The following UBAC1 variants were observed in gnomAD, a reference collection of about 807,000 sequenced individuals.
The protein encoded by UBAC1 is UBA domain containing 1, also known as ubiquitin-associated domain-containing protein 1.
In UBAC1, 27 loss-of-function variants were observed where a neutral mutation model predicts 45.9. The ratio of observed to expected loss-of-function variants is 0.59; its 90% CI spans 0.43 to 0.81. UBAC1 has a LOEUF of 0.81. Ranked by LOEUF, UBAC1 falls within the 30% of genes least tolerant of loss-of-function variation. The probability of loss-of-function intolerance (pLI) is 0.00; values close to 1 mark genes in which losing one functional copy is unlikely to be tolerated. For missense variants in UBAC1, 529 were observed against 539.2 expected (o/e 0.98, Z 0.19); for synonymous variants, 227 against 215.5 (o/e 1.05, Z -0.47).
At chr9:135,951,922 AGG>A (rs1839410358) in intron 3 of UBAC1, among the ~76,000 whole-genome samples, 3 of 152,264 alleles carry the variant, frequency 2.0e-5, no homozygotes, top group Admixed American at 1.3e-4. Flanking sequence ...TAAGCTCCTC[AGG>A]TTAGCTCCAA....
At chr9:135,938,117 C>G in intron 9 of UBAC1, 105 bp downstream of exon 9, 1 of 1,508,700 alleles carries the variant, frequency 6.6e-7, no homozygotes, top group South Asian at 1.3e-5. Flanking sequence ...CACGGCGATC[C>G]TCAGCGCTGG....
intron 9 of UBAC1, 29 bp downstream of exon 9, chr9:135,938,193 G>C: frequency 6.2e-7 from 1 of 1,610,050 alleles, no homozygotes. Flanking sequence ...TCCCCGACCC[G>C]AGACTTAGCA....
chr9:135,937,113 C>T (rs900282820), intron 9 of UBAC1, among the ~76,000 whole-genome samples: 5 of 152,184 alleles, frequency 3.3e-5, no homozygotes, highest in African/African-American at 1.2e-4. Flanking sequence ...GCTCCAGAGA[C>T]ACTTCCAGCC....
chr9:135,935,672 G>C (rs142858133), intron 9 of UBAC1, among the ~76,000 whole-genome samples: 1 of 151,888 alleles, frequency 6.6e-6, no homozygotes, highest in Admixed American at 6.6e-5. Context: ...CGCATAGACA[G>C]TATGTAAAAG....
At position 135,946,299 on chromosome 9, in the gene UBAC1, C is replaced by A; in HGVS notation, c.514G>T (p.Asp172Tyr). The A allele has an allele frequency of 4.3e-6, 7 of 1,613,938 alleles. No homozygotes were observed. The highest frequency in any genetic ancestry group is 5.1e-6 in the Non-Finnish European group (6 of 1,179,790). ...VAQKLLALNPDAVELFKKANA... is the reference protein window; with the variant it reads ...VAQKLLALNPYAVELFKKANA... Reference sequence around the variant, plus strand: ...GCCTTCTTAAACAATTCCACTGCATCTGGGTTCAGCGCTAACAGCTTCTGC... The same window carrying A: ...GCCTTCTTAAACAATTCCACTGCATATGGGTTCAGCGCTAACAGCTTCTGC... Residue 172 changes from aspartate (D) to tyrosine (Y), a missense_variant, in exon 5 of 10, where the codon GAT (aspartate) becomes TAT (tyrosine). Coordinates refer to ENST00000371756, the MANE Select transcript of UBAC1 (RefSeq NM_016172.3).
At chr9:135,954,456 G>A (rs1839443015) in intron 2 of UBAC1, among the ~76,000 whole-genome samples, 1 of 151,546 alleles carries the variant, frequency 6.6e-6, no homozygotes, top group African/African-American at 2.4e-5. Flanking sequence ...AAGAGCATGG[G>A]TTCCTTTGGT....
intron 8 of UBAC1, among the ~76,000 whole-genome samples, chr9:135,938,652 CCA>C (rs1328678446): frequency 6.6e-5 from 10 of 152,238 alleles, no homozygotes; most frequent in Admixed American, 5.2e-4. Flanking sequence ...CCAGTGTGGC[CCA>C]CCCAGGAGTG....
chr9:135,939,776 C>T lies in UBAC1; in HGVS notation c.877-17G>A, dbSNP rs754922697. 2 of 1,606,646 alleles carry T rather than the reference C, an allele frequency of 1.2e-6. No homozygotes were observed. The highest frequency in any genetic ancestry group is 2.2e-5 in the East Asian group (1 of 44,854). On this transcript the variant is annotated splice_polypyrimidine_tract_variant and intron_variant, in intron 7 of 9. Transcript: ENST00000371756. ...AATGACGGCCTAGAGGACAGCACAG[C>T]CGTTAGCTCGCTGGGGGCGGCAGGA... is the stretch of plus-strand genomic sequence containing the variant.
rs149136617 is a variant in UBAC1, at chr9:135,946,332, C to G, written c.481G>C (p.Glu161Gln). The change falls in exon 5 of 10, where the codon GAG becomes CAG. Residue 161 changes from glutamate to glutamine, a missense_variant. Transcript: ENST00000371756. ...AGCGCTAACAGCTTCTGCGCCACCT[C>G]GATGAGAGACACCAGTATCTTCCGG... ...ELRKILVSLI[E>Q]VAQKLLALNP... 3.1e-6 allele frequency: 5 copies of G among 1,614,026 alleles called. No homozygotes were observed. The highest frequency in any genetic ancestry group is 1.1e-5 in the South Asian group (1 of 91,068).
Position 135,950,565 on chromosome 9 carries a change from GGATA to G in UBAC1, c.334-2664_334-2661del, listed in dbSNP as rs140894564. ...CAGGAAAAATACAGCTGTGTAAGAA[GGATA>G]GATAATCTTAATCTATTTTGCTCAC... On this transcript the variant is annotated intron_variant, in intron 3 of 9. Transcript: ENST00000371756. Among the ~76,000 whole-genome samples the G allele has an allele frequency of 7.7e-3, 1,175 of 152,300 alleles. 8 individuals are homozygous for G. The highest frequency in any genetic ancestry group is 0.027 in the African/African-American group (1,104 of 41,548).
chr9:135,945,278 T>C (rs1211840645), intron 6 of UBAC1, 28 bp from the exon 7 acceptor site: 1 of 1,529,340 alleles, frequency 6.5e-7, no homozygotes, highest in African/African-American at 1.4e-5. Flanking sequence ...CTTTCCAACA[T>C]CCCCAGACTA....
rs990378936 is a variant in UBAC1, at chr9:135,935,801, C to T, written c.1103-2286G>A. 7.2e-5 allele frequency among the ~76,000 whole-genome samples: 11 copies of T among 152,188 alleles called. No homozygotes were observed. In the East Asian group the frequency reaches 9.6e-4, roughly 13 times the overall value. Reference sequence around the variant, plus strand: ...CAGCACTTTGGGAGGCCGAGACGGGCGGATCACGAGGTCAGGAGATCAAGA... The same window carrying T: ...CAGCACTTTGGGAGGCCGAGACGGGTGGATCACGAGGTCAGGAGATCAAGA... On this transcript the variant is annotated intron_variant, in intron 9 of 9. Transcript: ENST00000371756.
At position 135,961,200 on chromosome 9, in the gene UBAC1, G is replaced by A. The variant is rs200719236; in HGVS notation, c.-38C>T. 3 of 1,471,204 alleles carry A rather than the reference G, an allele frequency of 2.0e-6. No individual in the cohort carries two copies. The highest frequency in any genetic ancestry group is 3.0e-5 in the East Asian group (1 of 33,556). The allele number at this position is 1,471,204 out of a possible 1,614,324, so 91.1% of individuals were successfully genotyped here. A position where few individuals can be genotyped will look rare whatever the true frequency, so the allele number is the denominator to read the frequency against. ...GCAGGGGCCTGCGCCCGCCACCCGG[G>A]CCCCTGAAGGTCACCGGGAAGGCGG... On this transcript the variant is annotated 5_prime_UTR_variant, in exon 1 of 10. Transcript: ENST00000371756.
chr9:135,948,164 A>G (rs1178737057), intron 3 of UBAC1: 10 of 407,872 alleles, frequency 2.5e-5, no homozygotes, highest in Middle Eastern at 6.4e-4. Flanking sequence ...AGGGTCACAG[A>G]ACGACAACCA....
chr9:135,945,823 G>A, intron 6 of UBAC1, 66 bp downstream of exon 6: 2 of 1,349,348 alleles, frequency 1.5e-6, no homozygotes, highest in South Asian at 1.2e-5. Flanking sequence ...GTCACCCACG[G>A]TGGGAGCCCC....
At position 135,934,457 on chromosome 9, in the gene UBAC1, G is replaced by A. The variant is rs549058160; in HGVS notation, c.1103-942C>T. Among the ~76,000 whole-genome samples the A allele has an allele frequency of 4.8e-3, 734 of 152,278 alleles. 6 individuals carry two copies. The highest frequency in any genetic ancestry group is 0.017 in the Middle Eastern group (5 of 294). ...AGGCGGATCATGAGGTCAGGAGATC[G>A]AGACCATCCTGGCTAATACGGTAAA... On this transcript the variant is annotated intron_variant, in intron 9 of 9. Coordinates refer to ENST00000371756, the MANE Select transcript of UBAC1 (RefSeq NM_016172.3).
At chr9:135,941,821 C>A (rs1038734125) in intron 7 of UBAC1, among the ~76,000 whole-genome samples, 1 of 152,270 alleles carries the variant, frequency 6.6e-6, no homozygotes, top group Non-Finnish European at 1.5e-5. Context: ...AAGGGAGGGG[C>A]AGCAGGAAAT....
chr9:135,940,804 T>C (rs1839262047), intron 7 of UBAC1, among the ~76,000 whole-genome samples: 1 of 152,094 alleles, frequency 6.6e-6, no homozygotes, highest in Non-Finnish European at 1.5e-5. Flanking sequence ...GAAGGCTTCA[T>C]CAAAATTTCA....
chr9:135,939,631 C>A lies in UBAC1; in HGVS notation c.963+42G>T, dbSNP rs1193815396. On this transcript the variant is annotated intron_variant, in intron 8 of 9. Coordinates refer to ENST00000371756, the MANE Select transcript of UBAC1 (RefSeq NM_016172.3). The stretch of plus-strand genomic sequence containing the variant: ...CCACACTTACCACAGCCCACACTCA[C>A]TCACCACAGCCCACACTCACTCACC... 5 of 1,587,324 alleles carry A rather than the reference C, an allele frequency of 3.1e-6. No individual in the cohort carries two copies. In the African/African-American group the frequency reaches 5.4e-5, roughly 17 times the overall value.
Sources: gnomAD v4.1 joint callset for allele counts (sites outside exome capture counted in the v4.1 genomes callset) on GRCh38, gnomAD v4.1.1 for gene constraint, MANE v1.5 for transcripts, NCBI Gene and HGNC (gene_info 2026-07-23, HGNC 2026-07-21) for gene names.